The following ENTREP2 variants were observed in gnomAD, a reference collection of about 807,000 sequenced individuals.
The protein encoded by ENTREP2 is endosomal transmembrane epsin interactor 2.
At chr15:29,292,463 C>A in the ENTREP2 span, among the ~76,000 whole-genome samples, 57 of 152,122 alleles carry the variant, frequency 3.7e-4, no homozygotes, top group African/African-American at 1.3e-3. Context: ...TCACTGCAAC[C>A]TCTGCCTCCT....
At chr15:29,626,449 G>A in the ENTREP2 span, among the ~76,000 whole-genome samples, 1 of 152,170 alleles carries the variant, frequency 6.6e-6, no homozygotes, top group African/African-American at 2.4e-5. Flanking sequence ...ATGTGACTTT[G>A]CTCATTTGCC....
At chr15:29,141,265 T>C in the ENTREP2 span, among the ~76,000 whole-genome samples, 1 of 152,204 alleles carries the variant, frequency 6.6e-6, no homozygotes, top group African/African-American at 2.4e-5. Flanking sequence ...CAGTTGTCTC[T>C]GGGCCCTGCC....
chr15:29,649,742 A>AAG, the ENTREP2 span, among the ~76,000 whole-genome samples: 32 of 151,004 alleles, frequency 2.1e-4, no homozygotes, highest in Middle Eastern at 3.4e-3. Flanking sequence ...AAAAAAAAAA[A>AAG]AAAGAAAGAA....
chr15:29,276,105 C>T, the ENTREP2 span, among the ~76,000 whole-genome samples: 75 of 152,326 alleles, frequency 4.9e-4, no homozygotes, highest in African/African-American at 1.8e-3. Flanking sequence ...AACACTTTGT[C>T]CCTCATAAAT....
the ENTREP2 span, among the ~76,000 whole-genome samples, chr15:29,483,009 A>G: frequency 1.3e-5 from 2 of 152,244 alleles, no homozygotes; most frequent in Admixed American, 1.3e-4. Flanking sequence ...ATTTGATGCT[A>G]TCAGTGTTTT....
the ENTREP2 span, among the ~76,000 whole-genome samples, chr15:29,670,397 C>T: frequency 3.3e-5 from 5 of 150,016 alleles, no homozygotes; most frequent in African/African-American, 1.3e-4. Context: ...CCTATAGAAA[C>T]CCTGAAGGGT....
chr15:29,123,546 C>A, the ENTREP2 span: 1 of 1,551,738 alleles, frequency 6.4e-7, no homozygotes, highest in Admixed American at 2.0e-5. Flanking sequence ...CTTTGGAGGT[C>A]GCTGGGAAGG....
the ENTREP2 span, among the ~76,000 whole-genome samples, chr15:29,602,115 C>T: frequency 3.9e-5 from 6 of 152,160 alleles, no homozygotes; most frequent in African/African-American, 1.4e-4. Flanking sequence ...TAATCAGAAC[C>T]ACGAGAAGCA....
chr15:29,400,159 G>A, the ENTREP2 span, among the ~76,000 whole-genome samples: 1 of 152,194 alleles, frequency 6.6e-6, no homozygotes, highest in African/African-American at 2.4e-5. Context: ...AAAGCACAAA[G>A]AGATTAAGTG....
the ENTREP2 span, among the ~76,000 whole-genome samples, chr15:29,657,460 G>C: frequency 7.7e-6 from 1 of 130,702 alleles, no homozygotes; most frequent in Non-Finnish European, 1.6e-5. Flanking sequence ...ACCCCTGCGA[G>C]TTGCCGCTGT....
At chr15:29,417,779 T>C in the ENTREP2 span, among the ~76,000 whole-genome samples, 1 of 152,166 alleles carries the variant, frequency 6.6e-6, no homozygotes, top group African/African-American at 2.4e-5. Flanking sequence ...AAATCAAGAT[T>C]TGATTTTCTC....
the ENTREP2 span, among the ~76,000 whole-genome samples, chr15:29,328,495 G>A: frequency 1.3e-5 from 2 of 152,140 alleles, no homozygotes; most frequent in East Asian, 1.9e-4. Context: ...AACAATCTAC[G>A]AAACAACCTC....
chr15:29,135,305 C>T, the ENTREP2 span, among the ~76,000 whole-genome samples: 1 of 152,126 alleles, frequency 6.6e-6, no homozygotes, highest in Non-Finnish European at 1.5e-5. The surrounding 1 kb of genome is among the most constrained non-coding windows in gnomAD (Gnocchi z 7.4). Flanking sequence ...GGGCAATGTT[C>T]ATGGATGATA....
the ENTREP2 span, among the ~76,000 whole-genome samples, chr15:29,579,686 ATTTTTTTTTTTTTTTTTTTTTTTT>A: frequency 8.2e-3 from 455 of 55,818 alleles, 10 homozygotes; most frequent in African/African-American, 0.04. Flanking sequence ...CACCCAGCTA[ATTTTTTTTTTTTTTTTTTTTTTTT>A]TTTTTTTTTT....
At chr15:29,627,403 C>T in the ENTREP2 span, among the ~76,000 whole-genome samples, 1 of 151,950 alleles carries the variant, frequency 6.6e-6, no homozygotes, top group Non-Finnish European at 1.5e-5. Flanking sequence ...ATTAGCCAGC[C>T]ATGGTGGTGC....
At chr15:29,476,919 G>A in the ENTREP2 span, among the ~76,000 whole-genome samples, 24 of 152,234 alleles carry the variant, frequency 1.6e-4, no homozygotes, top group Middle Eastern at 3.4e-3. Context: ...ACTCTCCTAG[G>A]CATACACCCA....
chr15:29,268,059 A>G, the ENTREP2 span: 2 of 152,222 alleles, frequency 1.3e-5, no homozygotes, highest in East Asian at 1.9e-4. Context: ...ACAAAACAGC[A>G]TTGACCTTAA....
chr15:29,542,023 G>C, the ENTREP2 span, among the ~76,000 whole-genome samples: 1 of 152,082 alleles, frequency 6.6e-6, no homozygotes, highest in Non-Finnish European at 1.5e-5. Context: ...GTTTGGTTTG[G>C]TTTGGTTTGA....
At chr15:29,626,111 T>C in the ENTREP2 span, among the ~76,000 whole-genome samples, 1 of 152,226 alleles carries the variant, frequency 6.6e-6, no homozygotes, top group Non-Finnish European at 1.5e-5. Context: ...CCTCCCAAAC[T>C]TAGAATGGTT....
Sources: gnomAD v4.1 joint callset for allele counts (sites outside exome capture counted in the v4.1 genomes callset) on GRCh38, gnomAD v4.1.1 for gene constraint, Gnocchi (gnomAD v3.1) non-coding constraint, MANE v1.5 for transcripts, NCBI Gene and HGNC (gene_info 2026-07-23, HGNC 2026-07-21) for gene names.